The following CD8A variants were observed in gnomAD, a reference collection of about 807,000 sequenced individuals.
CD8A encodes the protein T-cell surface glycoprotein CD8 alpha chain.
CD8A carries 25 observed loss-of-function variants against 24.2 expected under a neutral mutation model. The observed-to-expected ratio is 1.03, with a 90% confidence interval of 0.75 to 1.44. CD8A has a LOEUF of 1.44. Among genes scored for constraint, CD8A ranks in the 40% most tolerant of loss-of-function variants. CD8A has a pLI of 0.00. For missense variants in CD8A, 360 were observed against 319.7 expected (o/e 1.13, Z -0.96); for synonymous variants, 165 against 149.9 (o/e 1.10, Z -0.74).
rs1341253850 is a variant in CD8A at position 86,785,446 on chromosome 2, G to T, written c.*474C>A. 1 of 455,584 alleles carries T rather than the reference G, an allele frequency of 2.2e-6. No individual in the cohort carries two copies. Among genetic ancestry groups the T allele is most frequent in the Non-Finnish European group, 4.4e-6 (1 of 227,888 alleles). 28.2% of individuals were successfully genotyped at this position (455,584 alleles called of 1,614,324 possible). On this transcript the variant is annotated 3_prime_UTR_variant, in exon 6 of 6. Coordinates refer to ENST00000283635, the MANE Select transcript of CD8A (RefSeq NM_001768.7). The stretch of plus-strand genomic sequence containing the variant: ...ACCTCACCCTGAGACAGGGGCCTCG[G>T]AAAGAAAGACCTGAATGGTGTGGAG...
intron 2 of CD8A, among the ~76,000 whole-genome samples, chr2:86,807,094 G>A (rs1464239460): frequency 6.6e-6 from 1 of 152,026 alleles, no homozygotes; most frequent in Non-Finnish European, 1.5e-5. Context: ...GCTTCATTTG[G>A]TTGTTGGAAT....
At chr2:86,797,378 T>G (rs1673515564) in intron 3 of CD8A, among the ~76,000 whole-genome samples, 1 of 152,088 alleles carries the variant, frequency 6.6e-6, no homozygotes, top group Non-Finnish European at 1.5e-5. Context: ...TGCAGGAAAT[T>G]CAGAATGGGG....
chr2:86,798,230 CA>C (rs1303366889), intron 3 of CD8A, among the ~76,000 whole-genome samples: 2 of 151,086 alleles, frequency 1.3e-5, no homozygotes, highest in Admixed American at 6.6e-5. Context: ...GGTTGGAGTG[CA>C]ATGGCACGAT....
intron 2 of CD8A, among the ~76,000 whole-genome samples, chr2:86,806,201 C>T (rs1673850718): frequency 6.6e-6 from 1 of 152,120 alleles, no homozygotes; most frequent in Non-Finnish European, 1.5e-5. Context: ...TGTGACTTTC[C>T]GAGGGGATCT....
chr2:86,785,383 CAAG>C lies in CD8A; in HGVS notation c.*534_*536del. The C allele has an allele frequency of 6.6e-6, 3 of 454,338 alleles. No individual in the cohort carries two copies. The highest frequency in any genetic ancestry group is 1.4e-4 in the East Asian group (2 of 14,402). 28.1% of individuals were successfully genotyped at this position (454,338 alleles called of 1,614,324 possible). On this transcript the variant is annotated 3_prime_UTR_variant, in exon 6 of 6. Transcript: ENST00000283635. ...GCTCTGGGCACAGTATCCCAGGTAT[CAAG>C]AAGTACTTGTTCCCTTGCCGTTGGA...
chr2:86,802,443 CTT>C (rs1673704630), intron 2 of CD8A, among the ~76,000 whole-genome samples: 1 of 152,118 alleles, frequency 6.6e-6, no homozygotes, highest in Admixed American at 6.6e-5. Flanking sequence ...TAATCTAAGA[CTT>C]TTAATATTTA....
At chr2:86,802,099 G>A (rs558644957) in intron 2 of CD8A, among the ~76,000 whole-genome samples, 1 of 152,018 alleles carries the variant, frequency 6.6e-6, no homozygotes, top group African/African-American at 2.4e-5. Context: ...GTGCAGTGGT[G>A]TGATCTGGGC....
chr2:86,799,458 A>C (rs539206019), intron 3 of CD8A, among the ~76,000 whole-genome samples: 1 of 152,298 alleles, frequency 6.6e-6, no homozygotes, highest in East Asian at 1.9e-4. Context: ...CCCAGTATCC[A>C]GGTAGAGTCA....
intron 2 of CD8A, among the ~76,000 whole-genome samples, 173 bp downstream of exon 2, chr2:86,790,155 G>C (rs1255607981): frequency 6.6e-6 from 1 of 152,228 alleles, no homozygotes; most frequent in East Asian, 1.9e-4. Context: ...GCCATCCCCA[G>C]TCCCTACTCA....
At chr2:86,789,130 C>A (rs1035659057) in intron 4 of CD8A, among the ~76,000 whole-genome samples, 193 bp downstream of exon 4, 2 of 152,206 alleles carry the variant, frequency 1.3e-5, no homozygotes, top group African/African-American at 4.8e-5. Context: ...AAAACCTCTC[C>A]GAGAGCGCAA....
At chr2:86,793,249 T>G (rs1239850307), upstream of CD8A, among the ~76,000 whole-genome samples, 1 of 152,214 alleles carries the variant, frequency 6.6e-6, no homozygotes, top group Non-Finnish European at 1.5e-5. Context: ...TAGTGGACAT[T>G]TAGGCGATTT....
At chr2:86,797,589 C>A (rs1483803091) in intron 3 of CD8A, among the ~76,000 whole-genome samples, 51 of 152,078 alleles carry the variant, frequency 3.4e-4, no homozygotes, top group Non-Finnish European at 1.5e-5. Flanking sequence ...AGGGTAGGGG[C>A]AGCATGGGGA....
chr2:86,791,450 TC>T, upstream of CD8A: 3 of 446,670 alleles, frequency 6.7e-6, no homozygotes, highest in South Asian at 4.7e-5. Flanking sequence ...GCTTTGGGTG[TC>T]GGTGTCAGTG....
intron 2 of CD8A, among the ~76,000 whole-genome samples, chr2:86,806,426 G>A (rs545511312): frequency 3.3e-5 from 5 of 152,226 alleles, no homozygotes; most frequent in African/African-American, 2.4e-5. Flanking sequence ...GAAGTCAAGG[G>A]CTCTCTCCTC....
chr2:86,789,238 C>A, intron 4 of CD8A, 85 bp downstream of exon 4: 2 of 895,098 alleles, frequency 2.2e-6, no homozygotes, highest in Admixed American at 1.7e-5. Flanking sequence ...CCCAAGCTCC[C>A]CCCTCGCAAG....
Position 86,785,430 on chromosome 2 carries a change from T to C in CD8A, c.*490A>G, listed in dbSNP as rs1324677423. On this transcript the variant is annotated 3_prime_UTR_variant, in exon 6 of 6. Transcript: ENST00000283635. ...CGTTGGAGACTCAAGCACCTCACCC[T>C]GAGACAGGGGCCTCGGAAAGAAAGA... 2.2e-6 allele frequency: 1 copy of C among 455,066 alleles called. No individual in the cohort carries two copies. The highest frequency in any genetic ancestry group is 6.9e-5 in the East Asian group (1 of 14,406). 28.2% of individuals were successfully genotyped at this position (455,066 alleles called of 1,614,324 possible).
At chr2:86,792,805 C>CT (rs544347033), upstream of CD8A, among the ~76,000 whole-genome samples, 9,430 of 134,274 alleles carry the variant, frequency 0.07, 773 homozygotes, top group African/African-American at 0.21. Context: ...CCTGGATGGG[C>CT]TTTTTTTTTT....
chr2:86,801,832 C>T (rs1011560982), intron 2 of CD8A, among the ~76,000 whole-genome samples: 1 of 151,918 alleles, frequency 6.6e-6, no homozygotes, highest in African/African-American at 2.4e-5. Context: ...TAAAATAAAT[C>T]CTGTTATTTT....
At chr2:86,795,632 C>A (rs973246156), upstream of CD8A, among the ~76,000 whole-genome samples, 3 of 152,044 alleles carry the variant, frequency 2.0e-5, no homozygotes, top group Admixed American at 6.6e-5. Context: ...GTAGAGGCAC[C>A]AAGAGTTTGA....
Sources: gnomAD v4.1 joint callset for allele counts (sites outside exome capture counted in the v4.1 genomes callset) on GRCh38, gnomAD v4.1.1 for gene constraint, MANE v1.5 for transcripts, NCBI Gene and HGNC (gene_info 2026-07-23, HGNC 2026-07-21) for gene names.